Variants in SYNE2 observed in about 807,000 individuals in gnomAD.
SYNE2 encodes spectrin repeat containing nuclear envelope protein 2, also known as nesprin-2.
In SYNE2, 431 loss-of-function variants were observed where a neutral mutation model predicts 856.3. The ratio of observed to expected loss-of-function variants is 0.50; its 90% CI spans 0.47 to 0.55. The LOEUF (loss-of-function observed/expected upper bound fraction) is 0.55, where lower values mean the gene tolerates loss of function less well. SYNE2 is among the 20% of genes least tolerant of loss of function. SYNE2 has a pLI of 0.00. For synonymous variants in SYNE2, 2,923 were observed against 2,872.3 expected, an observed-to-expected ratio of 1.02 and a Z score of -0.56; for missense variants, 8,129 against 8,023.2, an observed-to-expected ratio of 1.01 and a Z score of -0.50.
chr14:64,223,069 C>T lies in SYNE2; in HGVS notation c.20191-120C>T, dbSNP rs552714190. On this transcript the variant is annotated intron_variant, in intron 112 of 115. Transcript: ENST00000555002. ...GCAGATATGAGAAATAGAGGATTCT[C>T]GAGTTGAGTACTACCCATCATTCAT... is the stretch of plus-strand genomic sequence containing the variant. 415 of 963,156 alleles carry T rather than the reference C, an allele frequency of 4.3e-4. 1 individual carries two copies. The highest frequency in any genetic ancestry group is 1.2e-3 in the Middle Eastern group (4 of 3,212). The allele number at this position is 963,156 out of a possible 1,614,324, so 59.7% of individuals were successfully genotyped here. A position where few individuals can be genotyped will look rare whatever the true frequency, so the allele number is the denominator to read the frequency against.
intron 1 of SYNE2, among the ~76,000 whole-genome samples, chr14:63,784,416 G>A (rs1201807611): frequency 3.3e-5 from 5 of 152,086 alleles, no homozygotes. Flanking sequence ...AAAATCTCTT[G>A]AACCTGGGAG....
chr14:63,821,004 G>C (rs968866248), intron 1 of SYNE2, among the ~76,000 whole-genome samples: 1 of 151,972 alleles, frequency 6.6e-6, no homozygotes, highest in Non-Finnish European at 1.5e-5. Flanking sequence ...ACCCACCTCA[G>C]CCTTTGGGAT....
chr14:63,860,122 C>T (rs1449999754), intron 1 of SYNE2, among the ~76,000 whole-genome samples: 1 of 152,118 alleles, frequency 6.6e-6, no homozygotes, highest in East Asian at 1.9e-4. Flanking sequence ...TCCCAAAGTA[C>T]TAGGATTATA....
In SYNE2 at chr14:64,214,256, C is replaced by T. The variant is rs773388737; in HGVS notation, c.19119C>T (p.Ile6373=). The T allele has an allele frequency of 2.5e-6, 4 of 1,614,030 alleles. No individual in the cohort carries two copies. The Middle Eastern group carries it at 6.6e-4, about 266-fold the overall frequency. Residue 6373 remains isoleucine, a synonymous_variant, in exon 106 of 116, where the codon ATC becomes ATT. Transcript: ENST00000555002. ...CAGACATGGAAGACCCCAGAGAAATCCAGACTGATTCTTGGCGTAAACGGG... is the reference window on the plus strand; with the variant it reads ...CAGACATGGAAGACCCCAGAGAAATTCAGACTGATTCTTGGCGTAAACGGG... ...NETDMEDPRE[I]QTDSWRKRGE...
chr14:63,945,485 A>G (rs1367400909), intron 6 of SYNE2, among the ~76,000 whole-genome samples: 1 of 152,194 alleles, frequency 6.6e-6, no homozygotes, highest in Admixed American at 6.5e-5. Flanking sequence ...TTATTGTAGC[A>G]AGTATCAGTA....
rs1347064610 is a variant in SYNE2, at chr14:64,225,533, TAGCTGGCCAC to T, written c.*10_*19del. 2 of 1,613,646 alleles carry T rather than the reference TAGCTGGCCAC, an allele frequency of 1.2e-6. No homozygotes were observed. The highest frequency in any genetic ancestry group is 2.2e-5 in the South Asian group (2 of 90,956). On this transcript the variant is annotated 3_prime_UTR_variant, in exon 116 of 116. Coordinates refer to ENST00000555002, the MANE Select transcript of SYNE2 (RefSeq NM_182914.3). ...TGGGCCACCCCCCACATAGAGGGCA[TAGCTGGCCAC>T]AGTGCTACACCACCTGCCTGATTGC...
chr14:64,107,357 C>A, intron 64 of SYNE2, 134 bp from the exon 65 acceptor site: 1 of 787,128 alleles, frequency 1.3e-6, no homozygotes, highest in Non-Finnish European at 2.2e-6. Context: ...AAACTTTTTT[C>A]TAATCGTATC....
chr14:63,944,295 T>TAC (rs2095980105), intron 6 of SYNE2, among the ~76,000 whole-genome samples: 1 of 69,980 alleles, frequency 1.4e-5, no homozygotes, highest in African/African-American at 4.6e-5. Flanking sequence ...TATATATATA[T>TAC]ATATATATAT....
chr14:64,108,944 T>G (rs570398717), intron 65 of SYNE2, among the ~76,000 whole-genome samples: 1 of 152,002 alleles, frequency 6.6e-6, no homozygotes, highest in African/African-American at 2.4e-5. Context: ...GCCACAATCA[T>G]GGCTCACTGG....
intron 90 of SYNE2, among the ~76,000 whole-genome samples, chr14:64,166,229 T>G (rs1041893315): frequency 6.6e-6 from 1 of 152,328 alleles, no homozygotes; most frequent in Admixed American, 6.5e-5. Flanking sequence ...CCATGCCCTT[T>G]CATTTACATA....
chr14:64,071,321 C>T (rs903712811), intron 52 of SYNE2, among the ~76,000 whole-genome samples: 2 of 151,828 alleles, frequency 1.3e-5, no homozygotes, highest in African/African-American at 2.4e-5. Flanking sequence ...GGTGAAACCC[C>T]GTCTCTACTA....
chr14:64,063,278 C>T (rs1461118150), intron 50 of SYNE2, among the ~76,000 whole-genome samples: 2 of 152,204 alleles, frequency 1.3e-5, no homozygotes, highest in Non-Finnish European at 2.9e-5. Flanking sequence ...GAACTCCTGA[C>T]TTCAAGCCAT....
intron 100 of SYNE2, among the ~76,000 whole-genome samples, chr14:64,207,745 A>G (rs2098614554): frequency 6.6e-6 from 1 of 152,216 alleles, no homozygotes; most frequent in South Asian, 2.1e-4. Context: ...TAGTCTAGTT[A>G]ATAGTGGTTA....
chr14:64,150,265 A>G (rs1447384039), intron 84 of SYNE2, among the ~76,000 whole-genome samples: 1 of 124,240 alleles, frequency 8.0e-6, no homozygotes, highest in African/African-American at 3.1e-5. Flanking sequence ...CTACTGCAGC[A>G]TGGGTGACAG....
intron 65 of SYNE2, among the ~76,000 whole-genome samples, chr14:64,111,234 G>A (rs2097803930): frequency 6.6e-6 from 1 of 151,852 alleles, no homozygotes; most frequent in Non-Finnish European, 1.5e-5. Flanking sequence ...TATAACAGGT[G>A]CTCAAATAAA....
intron 103 of SYNE2, 73 bp from the exon 104 acceptor site, chr14:64,211,888 A>G (rs2098643247): frequency 5.6e-6 from 9 of 1,608,918 alleles, no homozygotes; most frequent in Non-Finnish European, 7.7e-6. Context: ...TTGTGGCCGA[A>G]GGTGGCCTTG....
intron 1 of SYNE2, among the ~76,000 whole-genome samples, chr14:63,880,750 G>A: frequency 6.7e-6 from 1 of 148,962 alleles, no homozygotes; most frequent in Non-Finnish European, 1.5e-5. Flanking sequence ...ATGGCTCCCT[G>A]CAGCCTTGGC....
rs1380056580 is a variant in SYNE2 at position 63,943,644 on chromosome 14, A to G, written c.408+1501A>G. ...GAGGCTTAAATTGTATCTGTGTTTTATTTATTTTTATTTTTTTATTACTTA... is the reference window on the plus strand; with the variant it reads ...GAGGCTTAAATTGTATCTGTGTTTTGTTTATTTTTATTTTTTTATTACTTA... On this transcript the variant is annotated intron_variant, in intron 6 of 115. Coordinates refer to ENST00000555002, the MANE Select transcript of SYNE2 (RefSeq NM_182914.3). 3.4e-5 allele frequency among the ~76,000 whole-genome samples: 5 copies of G among 147,912 alleles called. No homozygotes were observed. In the East Asian group the frequency reaches 8.1e-4, roughly 24 times the overall value.
intron 34 of SYNE2, among the ~76,000 whole-genome samples, 193 bp from the exon 35 acceptor site, chr14:64,019,799 C>T (rs962805762): frequency 1.3e-5 from 2 of 152,182 alleles, no homozygotes; most frequent in Non-Finnish European, 2.9e-5. Flanking sequence ...CCTAGAAAGA[C>T]GCTTGGTTGT....
Sources: allele counts gnomAD v4.1 joint callset (sites outside exome capture counted in the v4.1 genomes callset), GRCh38; gene constraint gnomAD v4.1.1; transcripts MANE v1.5; gene names NCBI Gene and HGNC (gene_info 2026-07-23, HGNC 2026-07-21).